Variants in MACROD1 observed in about 807,000 individuals in gnomAD.
MACROD1 encodes the protein ADP-ribose glycohydrolase MACROD1.
MACROD1 carries 31 observed loss-of-function variants against 41.4 expected under a neutral mutation model. The ratio of observed to expected loss-of-function variants is 0.75; its 90% confidence interval spans 0.56 to 1.01. The LOEUF is 1.01. Among genes scored for constraint, MACROD1 ranks in the 50% least tolerant of loss-of-function variants. MACROD1 has a pLI of 0.00. For missense variants in MACROD1, 473 were observed against 460.0 expected (o/e 1.03, Z -0.26); for synonymous variants, 252 against 203.4 (o/e 1.24, Z -2.03).
chr11:64,031,510 C>T (rs1345753874), intron 3 of MACROD1, among the ~76,000 whole-genome samples: 3 of 130,854 alleles, frequency 2.3e-5, no homozygotes, highest in Non-Finnish European at 4.7e-5. Context: ...CGTAGTCTCA[C>T]TCTGTCGCCC....
At chr11:64,047,983 G>C (rs1284816538) in intron 3 of MACROD1, among the ~76,000 whole-genome samples, 5 of 152,106 alleles carry the variant, frequency 3.3e-5, no homozygotes, top group African/African-American at 4.8e-5. Flanking sequence ...GTGGATAGGA[G>C]CTTTCCCAGT....
At chr11:64,130,803 G>A (rs964559122) in intron 3 of MACROD1, among the ~76,000 whole-genome samples, 2 of 152,122 alleles carry the variant, frequency 1.3e-5, no homozygotes, top group Admixed American at 6.5e-5. Context: ...CTCCTCCTGC[G>A]GCAAAGTAAA....
Position 64,166,053 on chromosome 11 carries a change from G to A in MACROD1, c.-59C>T, listed in dbSNP as rs1945840639. The A allele has an allele frequency of 1.6e-6, 2 of 1,239,558 alleles. No individual in the cohort carries two copies. Among genetic ancestry groups the A allele is most frequent in the Non-Finnish European group, 2.0e-6 (2 of 993,210 alleles). The allele number at this position is 1,239,558 out of a possible 1,614,324, so 76.8% of individuals were successfully genotyped here. Reference sequence around the variant, plus strand: ...TGGACTCTATTTACGGCGCTCGGGAGTGTCTCTCCCTTATTTACTCTGGGA... The same window carrying A: ...TGGACTCTATTTACGGCGCTCGGGAATGTCTCTCCCTTATTTACTCTGGGA... On this transcript the variant is annotated 5_prime_UTR_variant, in exon 1 of 11. Coordinates refer to ENST00000255681, the MANE Select transcript of MACROD1 (RefSeq NM_014067.4).
At chr11:64,118,194 G>A (rs746183688) in intron 3 of MACROD1, 10 of 1,613,106 alleles carry the variant, frequency 6.2e-6, no homozygotes, top group South Asian at 4.4e-5. Flanking sequence ...CCCCTCCAAC[G>A]GCAGCAGCCT....
chr11:64,165,979 G>C lies in MACROD1; in HGVS notation c.16C>G (p.Arg6Gly). The C allele has an allele frequency of 1.6e-6, 2 of 1,286,546 alleles. No individual in the cohort carries two copies. Among genetic ancestry groups the C allele is most frequent in the Non-Finnish European group, 2.0e-6 (2 of 1,022,498 alleles). The allele number at this position is 1,286,546 out of a possible 1,614,324, so 79.7% of individuals were successfully genotyped here. The stretch of plus-strand genomic sequence containing the variant: ...AGCTGTGCCAGGCGGCCGGACAGTC[G>C]GCTCTGTAGAGACATGAGCGGGCGG... Reference protein sequence around the residue: MSLQSRLSGRLAQLRA... With the variant: MSLQSGLSGRLAQLRA... Residue 6 changes from arginine to glycine, a missense_variant, in exon 1 of 11, where the codon CGA becomes GGA. Coordinates refer to ENST00000255681, the MANE Select transcript of MACROD1 (RefSeq NM_014067.4).
At chr11:64,158,407 TTTTTAA>T (rs1205543217) in intron 1 of MACROD1, among the ~76,000 whole-genome samples, 12 of 152,188 alleles carry the variant, frequency 7.9e-5, no homozygotes, top group Non-Finnish European at 1.8e-4. Flanking sequence ...TTCTTTTCTT[TTTTTAA>T]TTTTATTTTT....
chr11:64,113,961 T>A (rs1418215541), intron 3 of MACROD1, among the ~76,000 whole-genome samples: 4 of 146,706 alleles, frequency 2.7e-5, no homozygotes, highest in African/African-American at 1.0e-4. Flanking sequence ...GATGGATGGA[T>A]GGATAATTGG....
rs1357740766 is a variant in MACROD1 at position 64,166,045 on chromosome 11, G to A, written c.-51C>T. The A allele has an allele frequency of 1.6e-6, 2 of 1,241,294 alleles. No homozygotes were observed. The highest frequency in any genetic ancestry group is 3.1e-5 in the African/African-American group (2 of 64,430). 76.9% of individuals were successfully genotyped at this position (1,241,294 alleles called of 1,614,324 possible). Reference sequence around the variant, plus strand: ...CGCCCACTTGGACTCTATTTACGGCGCTCGGGAGTGTCTCTCCCTTATTTA... The same window carrying A: ...CGCCCACTTGGACTCTATTTACGGCACTCGGGAGTGTCTCTCCCTTATTTA... On this transcript the variant is annotated 5_prime_UTR_variant, in exon 1 of 11. Transcript: ENST00000255681.
chr11:64,049,859 C>G (rs1302619793), intron 3 of MACROD1, among the ~76,000 whole-genome samples: 1 of 152,208 alleles, frequency 6.6e-6, no homozygotes, highest in Non-Finnish European at 1.5e-5. Flanking sequence ...CTGTGATCCA[C>G]CCCACCATCC....
In MACROD1 at chr11:64,096,697, A is replaced by T. The variant is rs983783376; in HGVS notation, c.517+54542T>A. 6.6e-6 allele frequency among the ~76,000 whole-genome samples: 1 copy of T among 152,186 alleles called. No individual in the cohort carries two copies. Among genetic ancestry groups the T allele is most frequent in the Non-Finnish European group, 1.5e-5 (1 of 68,018 alleles). On this transcript the variant is annotated intron_variant, in intron 3 of 10. Transcript: ENST00000255681. This position sits in a 1 kb window ranked among gnomAD's most constrained non-coding sequence, Gnocchi z 4.6. ...CTCCCAAAGTGCTGGGATTACAGGC[A>T]TGAGCCACCGCACCCTACCCTCTCC...
At chr11:64,092,773 G>A (rs910511207) in intron 3 of MACROD1, among the ~76,000 whole-genome samples, 1 of 152,204 alleles carries the variant, frequency 6.6e-6, no homozygotes, top group Admixed American at 6.5e-5. Flanking sequence ...CTGAGTAAAC[G>A]GGTGCATGAA....
chr11:64,050,588 A>G (rs1044416090), intron 3 of MACROD1, among the ~76,000 whole-genome samples: 1 of 152,196 alleles, frequency 6.6e-6, no homozygotes, highest in African/African-American at 2.4e-5. Context: ...GGCCTGGCAC[A>G]CAGTGAGGGC....
intron 3 of MACROD1, among the ~76,000 whole-genome samples, chr11:64,128,405 T>C (rs1565250401): frequency 6.6e-6 from 1 of 152,174 alleles, no homozygotes. Context: ...TCCTGCCTCA[T>C]GGAGGAGTGA....
chr11:64,009,126 C>G (rs550134963), intron 4 of MACROD1: 1 of 152,136 alleles, frequency 6.6e-6, no homozygotes, highest in Non-Finnish European at 1.5e-5. Flanking sequence ...TCCTTATCTC[C>G]GAGTAAACAT....
chr11:64,102,431 G>A (rs905693148), intron 3 of MACROD1, among the ~76,000 whole-genome samples: 7 of 152,200 alleles, frequency 4.6e-5, no homozygotes, highest in African/African-American at 1.7e-4. Context: ...AACTTCCCCA[G>A]TTCCCTGATG....
chr11:64,035,660 GGCGC>G (rs1943360159), intron 3 of MACROD1, among the ~76,000 whole-genome samples: 1 of 64,700 alleles, frequency 1.5e-5, no homozygotes, highest in African/African-American at 5.9e-5. Flanking sequence ...CCCGCGCGGC[GGCGC>G]AGCCTCCCGC....
chr11:64,149,263 G>C (rs1169459259), intron 3 of MACROD1, among the ~76,000 whole-genome samples: 1 of 152,172 alleles, frequency 6.6e-6, no homozygotes, highest in Non-Finnish European at 1.5e-5. Flanking sequence ...CACGTCACGT[G>C]CATCAGCTCC....
intron 3 of MACROD1, among the ~76,000 whole-genome samples, chr11:64,098,188 C>T (rs959505146): frequency 1.3e-5 from 2 of 152,206 alleles, no homozygotes; most frequent in Non-Finnish European, 2.9e-5. Context: ...CTCCATGCCT[C>T]GGCACCCTCA....
intron 3 of MACROD1, among the ~76,000 whole-genome samples, chr11:64,094,866 G>T (rs539496785): frequency 6.6e-6 from 1 of 152,358 alleles, no homozygotes; most frequent in East Asian, 1.9e-4. Flanking sequence ...AGGTTGGGGG[G>T]CCCAGGAGTG....
Sources: gnomAD v4.1 joint callset for allele counts (sites outside exome capture counted in the v4.1 genomes callset) on GRCh38, gnomAD v4.1.1 for gene constraint, Gnocchi (gnomAD v3.1) non-coding constraint, MANE v1.5 for transcripts, NCBI Gene and HGNC (gene_info 2026-07-23, HGNC 2026-07-21) for gene names.